The following CFAP61 variants were observed in gnomAD, a reference collection of about 807,000 sequenced individuals.
CFAP61 encodes the protein cilia and flagella associated protein 61.
Under a neutral mutation model 135.6 loss-of-function variants are expected in CFAP61, and 107 were observed. That is an observed-to-expected ratio of 0.79 (90% CI 0.67 to 0.93). CFAP61 has a LOEUF of 0.93. CFAP61 is among the 40% of genes least tolerant of loss of function. The probability of loss-of-function intolerance (pLI) is 0.00; values close to 1 mark genes in which losing one functional copy is unlikely to be tolerated. For missense variants in CFAP61, 1,507 were observed against 1,556.2 expected, an observed-to-expected ratio of 0.97 and a Z score of 0.53; for synonymous variants, 575 against 578.5, an observed-to-expected ratio of 0.99 and a Z score of 0.09.
At chr20:20,056,159 A>G (rs1411188820) in intron 1 of CFAP61, 2 of 615,256 alleles carry the variant, frequency 3.3e-6, no homozygotes, top group South Asian at 2.1e-5. Context: ...ACTTAACCAC[A>G]GAACTTTTTT....
At chr20:20,062,928 T>C (rs2036516724) in intron 2 of CFAP61, among the ~76,000 whole-genome samples, 1 of 152,184 alleles carries the variant, frequency 6.6e-6, no homozygotes, top group Non-Finnish European at 1.5e-5. Context: ...TCACTTCAAG[T>C]CCAATTTTGC....
chr20:20,189,544 G>A (rs991692134), intron 14 of CFAP61, among the ~76,000 whole-genome samples: 13 of 149,938 alleles, frequency 8.7e-5, no homozygotes, highest in Non-Finnish European at 3.0e-5. Flanking sequence ...AGTAGGTCAC[G>A]GAAGTGTCAG....
chr20:20,286,123 T>C (rs1435500734), intron 22 of CFAP61, among the ~76,000 whole-genome samples: 1 of 152,040 alleles, frequency 6.6e-6, no homozygotes, highest in African/African-American at 2.4e-5. Flanking sequence ...TAAATACTAA[T>C]AAGAATCCTC....
At position 20,246,222 on chromosome 20, in the gene CFAP61, A is replaced by G; in HGVS notation, c.2159+7A>G. ...GGAAATTTTTAGCCAGCGAGTATGA[A>G]TTGTATTTGCTTTTTCATTCTGAGG... On this transcript the variant is annotated splice_region_variant and intron_variant, in intron 19 of 26. Coordinates refer to ENST00000245957, the MANE Select transcript of CFAP61 (RefSeq NM_015585.4). 6.3e-7 allele frequency: 1 copy of G among 1,581,722 alleles called. No individual in the cohort carries two copies. Among genetic ancestry groups the G allele is most frequent in the Non-Finnish European group, 8.7e-7 (1 of 1,150,670 alleles).
At chr20:20,251,823 A>G in intron 20 of CFAP61, 60 bp downstream of exon 20, 3 of 1,537,746 alleles carry the variant, frequency 2.0e-6, no homozygotes, top group Admixed American at 3.4e-5. Context: ...AAAGCCATTC[A>G]TATGTTTACT....
intron 13 of CFAP61, among the ~76,000 whole-genome samples, chr20:20,187,652 A>G (rs985478486): frequency 2.0e-5 from 3 of 152,168 alleles, no homozygotes; most frequent in African/African-American, 7.2e-5. Context: ...AATAAATCAT[A>G]GTGCTATTTT....
At chr20:20,200,976 A>C in intron 17 of CFAP61, 13 of 984,372 alleles carry the variant, frequency 1.3e-5, no homozygotes, top group Non-Finnish European at 1.6e-5. Flanking sequence ...TATTTGTAAA[A>C]TAACAAAAAA....
At chr20:20,179,919 C>A (rs576727744) in intron 13 of CFAP61, among the ~76,000 whole-genome samples, 1 of 152,148 alleles carries the variant, frequency 6.6e-6, no homozygotes, top group African/African-American at 2.4e-5. Context: ...ACTATAAAAA[C>A]CCTGGAAGAC....
chr20:20,090,529 A>T (rs1032366488), intron 6 of CFAP61, among the ~76,000 whole-genome samples: 1 of 151,960 alleles, frequency 6.6e-6, no homozygotes, highest in African/African-American at 2.4e-5. Context: ...ATCTCTACTA[A>T]AAATACAAAA....
intron 17 of CFAP61, among the ~76,000 whole-genome samples, chr20:20,203,160 C>G (rs775006007): frequency 6.6e-6 from 1 of 152,114 alleles, no homozygotes; most frequent in Non-Finnish European, 1.5e-5. Flanking sequence ...GACAGCCTAC[C>G]CCGCAGCAGG....
At chr20:20,250,490 T>C (rs2146983012) in intron 19 of CFAP61, among the ~76,000 whole-genome samples, 1 of 152,264 alleles carries the variant, frequency 6.6e-6, no homozygotes, top group Non-Finnish European at 1.5e-5. Flanking sequence ...GGCGCGTGCC[T>C]CCAGTCCCAG....
chr20:20,343,584 T>C (rs991997632), intron 26 of CFAP61, among the ~76,000 whole-genome samples: 1 of 152,158 alleles, frequency 6.6e-6, no homozygotes, highest in Admixed American at 6.5e-5. Context: ...ACTGGAAACC[T>C]GAACCCGAGT....
intron 18 of CFAP61, among the ~76,000 whole-genome samples, chr20:20,231,485 C>T (rs1375009557): frequency 6.6e-6 from 1 of 152,200 alleles, no homozygotes; most frequent in African/African-American, 2.4e-5. Flanking sequence ...GCCAGTGGCC[C>T]TGCTCTCAGA....
intron 26 of CFAP61, among the ~76,000 whole-genome samples, chr20:20,347,679 A>G (rs1016125224): frequency 6.6e-6 from 1 of 152,222 alleles, no homozygotes; most frequent in African/African-American, 2.4e-5. Flanking sequence ...TCACGCCTGT[A>G]ATCCCAGCAC....
chr20:20,147,896 A>G (rs765231825), intron 9 of CFAP61, among the ~76,000 whole-genome samples: 2 of 152,116 alleles, frequency 1.3e-5, no homozygotes, highest in African/African-American at 2.4e-5. Context: ...CTTAGATTTA[A>G]GTCTTTAATC....
intron 8 of CFAP61, among the ~76,000 whole-genome samples, chr20:20,120,317 A>G (rs1289975985): frequency 6.6e-6 from 1 of 151,860 alleles, no homozygotes; most frequent in Admixed American, 6.6e-5. Flanking sequence ...TATCTCATGG[A>G]TTTTGGTATG....
intron 21 of CFAP61, among the ~76,000 whole-genome samples, chr20:20,268,520 C>T (rs576038677): frequency 6.6e-6 from 1 of 152,286 alleles, no homozygotes; most frequent in African/African-American, 2.4e-5. Flanking sequence ...CAAAGGAGAA[C>T]ACAGTGGTTC....
chr20:20,222,347 C>T (rs533936823), intron 17 of CFAP61, among the ~76,000 whole-genome samples: 36 of 152,208 alleles, frequency 2.4e-4, no homozygotes, highest in African/African-American at 8.7e-4. Context: ...GAAATTTACT[C>T]ATTGAATCAT....
chr20:20,087,841 C>T (rs891929923), intron 6 of CFAP61, among the ~76,000 whole-genome samples: 7 of 151,914 alleles, frequency 4.6e-5, no homozygotes, highest in Non-Finnish European at 1.5e-5. Context: ...CTCCCCCGCT[C>T]AGGCTGTGAC....
Sources: allele counts gnomAD v4.1 joint callset (sites outside exome capture counted in the v4.1 genomes callset), GRCh38; gene constraint gnomAD v4.1.1; transcripts MANE v1.5; gene names NCBI Gene and HGNC (gene_info 2026-07-23, HGNC 2026-07-21).